Variants in EBF3 observed in about 807,000 individuals in gnomAD.
The protein encoded by EBF3 is transcription factor COE3.
Under a neutral mutation model 77.1 loss-of-function variants are expected in EBF3, and 18 were observed. The ratio of observed to expected loss-of-function variants is 0.23; its 90% confidence interval spans 0.16 to 0.35. The LOEUF is 0.35. Ranked by LOEUF, EBF3 falls within the 10% of genes least tolerant of loss-of-function variation. The pLI is 1.00. For missense variants in EBF3, 558 were observed against 860.0 expected (o/e 0.65, Z 4.39); for synonymous variants, 350 against 343.5 (o/e 1.02, Z -0.21).
In EBF3 at chr10:129,837,805, GC is replaced by G; in HGVS notation, c.*137del. The stretch of plus-strand genomic sequence containing the variant: ...AAATCTTTAAACAAAGTCTTTTGTA[GC>G]ATTTCAATTGCTGCTGATTTTTTTG... On this transcript the variant is annotated 3_prime_UTR_variant, in exon 17 of 17. Coordinates refer to ENST00000440978, the MANE Select transcript of EBF3 (RefSeq NM_001375380.1). 1 of 1,111,988 alleles carries G rather than the reference GC, an allele frequency of 9.0e-7. No homozygotes were observed. The highest frequency in any genetic ancestry group is 1.4e-5 in the South Asian group (1 of 70,410). The allele number at this position is 1,111,988 out of a possible 1,614,324, so 68.9% of individuals were successfully genotyped here.
chr10:129,946,244 C>T (rs1025824903), intron 6 of EBF3, among the ~76,000 whole-genome samples: 1 of 152,222 alleles, frequency 6.6e-6, no homozygotes, highest in Non-Finnish European at 1.5e-5. Flanking sequence ...CCCCAGCACA[C>T]GCAATAAATT....
At position 129,873,475 on chromosome 10, in the gene EBF3, G is replaced by A. The variant is rs376030950; in HGVS notation, c.758C>T (p.Thr253Met). 36 of 1,569,524 alleles carry A rather than the reference G, an allele frequency of 2.3e-5. 1 individual carries two copies. In the Admixed American group the frequency reaches 3.4e-4, roughly 15 times the overall value. The stretch of plus-strand genomic sequence containing the variant: ...ACCATTTTCCAGATAAGAAGGGGCC[G>A]TACCTTCTGACGGGTCTAGGCGGCG... ...RARRLDPSEG[T>M]APSYLENATP... The change falls in exon 8 of 17, where the codon ACG becomes ATG. Residue 253 changes from threonine (T) to methionine (M), a missense_variant. Coordinates refer to ENST00000440978, the MANE Select transcript of EBF3 (RefSeq NM_001375380.1).
intron 6 of EBF3, among the ~76,000 whole-genome samples, chr10:129,914,791 G>C (rs1026148046): frequency 1.3e-5 from 2 of 152,124 alleles, no homozygotes; most frequent in Non-Finnish European, 2.9e-5. Context: ...TACTCACCAG[G>C]TGTCAGGCCC....
intron 5 of EBF3, 60 bp from the exon 6 acceptor site, chr10:129,957,386 G>GTA (rs1859119875): frequency 3.3e-6 from 4 of 1,196,384 alleles, no homozygotes; most frequent in Non-Finnish European, 4.5e-6. Flanking sequence ...TGCCCGACTT[G>GTA]TATTTTTTTT....
chr10:129,899,956 T>C (rs1377557460), intron 6 of EBF3, among the ~76,000 whole-genome samples: 1 of 152,248 alleles, frequency 6.6e-6, no homozygotes, highest in African/African-American at 2.4e-5. Flanking sequence ...TCAGATGTGT[T>C]CCCTGCTCTT....
chr10:129,867,015 G>T (rs1339756453), intron 10 of EBF3, 126 bp downstream of exon 10: 1 of 1,327,916 alleles, frequency 7.5e-7, no homozygotes, highest in Non-Finnish European at 9.9e-7. Flanking sequence ...CAGGCCAAGG[G>T]GGCTTTGTCT....
intron 6 of EBF3, among the ~76,000 whole-genome samples, chr10:129,946,675 G>A (rs994824262): frequency 1.2e-4 from 18 of 152,206 alleles, no homozygotes; most frequent in Non-Finnish European, 2.6e-4. Context: ...TCCCAGGCAA[G>A]AGCTCCGGTG....
chr10:129,959,524 A>AAGGGCCG (rs1420568368), intron 4 of EBF3, among the ~76,000 whole-genome samples: 4 of 151,906 alleles, frequency 2.6e-5, no homozygotes, highest in Admixed American at 6.5e-5. Flanking sequence ...GCAGTTTGCC[A>AAGGGCCG]AGGGCCGAGG....
At chr10:129,847,971 AG>A (rs1850593617) in intron 11 of EBF3, among the ~76,000 whole-genome samples, 1 of 152,250 alleles carries the variant, frequency 6.6e-6, no homozygotes, top group Non-Finnish European at 1.5e-5. Flanking sequence ...AGAAAATGAA[AG>A]GAAAACAAGA....
chr10:129,854,458 C>T (rs557331171), intron 10 of EBF3, among the ~76,000 whole-genome samples: 5 of 151,402 alleles, frequency 3.3e-5, no homozygotes, highest in Non-Finnish European at 5.9e-5. Flanking sequence ...ATATTTTGTC[C>T]GACAAAAAAA....
chr10:129,876,131 G>A (rs996851187), intron 7 of EBF3, among the ~76,000 whole-genome samples: 84 of 152,324 alleles, frequency 5.5e-4, no homozygotes, highest in African/African-American at 1.9e-3. Flanking sequence ...GGCAAGCTGT[G>A]CTCTGTGTCT....
In EBF3 at chr10:129,897,880, T is replaced by A. The variant is rs536757335; in HGVS notation, c.555-20031A>T. Among the ~76,000 whole-genome samples the A allele has an allele frequency of 6.6e-6, 1 of 152,302 alleles. No homozygotes were observed. The highest frequency in any genetic ancestry group is 1.9e-4 in the East Asian group (1 of 5,180). ...ACTTTGTTGGGGTTTTGTTCCAGCA[T>A]CCTCCAAATGCTGCAATTTCTGCCC... On this transcript the variant is annotated intron_variant, in intron 6 of 16. Transcript: ENST00000440978. The surrounding 1 kb of genome is among the most constrained non-coding windows in gnomAD (Gnocchi z 4.6).
At chr10:129,888,330 C>T (rs988514947) in intron 6 of EBF3, among the ~76,000 whole-genome samples, 3 of 152,220 alleles carry the variant, frequency 2.0e-5, no homozygotes, top group Non-Finnish European at 4.4e-5. Flanking sequence ...TTGCTTTCCT[C>T]GCTTTGAAAA....
intron 4 of EBF3, 134 bp from the exon 5 acceptor site, chr10:129,959,141 G>C: frequency 9.2e-7 from 1 of 1,092,526 alleles, no homozygotes; most frequent in Non-Finnish European, 1.3e-6. Context: ...CCCCTCCCTC[G>C]GCCACCCTCC....
intron 6 of EBF3, among the ~76,000 whole-genome samples, chr10:129,913,395 G>C (rs562137688): frequency 1.3e-5 from 2 of 152,398 alleles, no homozygotes; most frequent in African/African-American, 4.8e-5. Flanking sequence ...CACTCACAGA[G>C]CTGATGGACT....
intron 6 of EBF3, among the ~76,000 whole-genome samples, chr10:129,907,382 T>C (rs1449768014): frequency 6.6e-6 from 1 of 152,234 alleles, no homozygotes; most frequent in Non-Finnish European, 1.5e-5. Context: ...TTTTATTAGG[T>C]TTCTTGAGAT....
chr10:129,904,973 A>G (rs1267125967), intron 6 of EBF3, among the ~76,000 whole-genome samples: 2 of 152,272 alleles, frequency 1.3e-5, no homozygotes, highest in Non-Finnish European at 2.9e-5. Flanking sequence ...AAATTTGTCC[A>G]TAAGGTGAGG....
At chr10:129,933,858 G>C (rs181642558) in intron 6 of EBF3, among the ~76,000 whole-genome samples, 10 of 152,170 alleles carry the variant, frequency 6.6e-5, no homozygotes, top group African/African-American at 2.2e-4. Context: ...GCCTGGCCAC[G>C]CTGGGCGCCA....
At chr10:129,880,424 C>A (rs1266035532) in intron 6 of EBF3, among the ~76,000 whole-genome samples, 1 of 152,142 alleles carries the variant, frequency 6.6e-6, no homozygotes, top group African/African-American at 2.4e-5. Flanking sequence ...TGCATGCACA[C>A]ATGCAGACAC....
Sources: allele counts gnomAD v4.1 joint callset (sites outside exome capture counted in the v4.1 genomes callset), GRCh38; gene constraint gnomAD v4.1.1; non-coding constraint Gnocchi (gnomAD v3.1); transcripts MANE v1.5; gene names NCBI Gene and HGNC (gene_info 2026-07-23, HGNC 2026-07-21).